Variants in DDX27 observed in about 807,000 individuals in gnomAD.
DDX27 encodes probable ATP-dependent RNA helicase DDX27.
In DDX27, 42 loss-of-function variants were observed where a neutral mutation model predicts 99.3. The observed-to-expected ratio is 0.42, with a 90% CI of 0.33 to 0.55. DDX27 has a LOEUF of 0.55. Among genes scored for constraint, DDX27 ranks in the 20% least tolerant of loss-of-function variants. The pLI, the probability that DDX27 is intolerant of heterozygous loss-of-function variation, is 0.07. For missense variants in DDX27, 798 were observed against 976.8 expected, an observed-to-expected ratio of 0.82 and a Z score of 2.44; for synonymous variants, 329 against 353.8, an observed-to-expected ratio of 0.93 and a Z score of 0.79.
chr20:49,241,059 G>A (rs1465756874), intron 16 of DDX27, among the ~76,000 whole-genome samples: 1 of 152,150 alleles, frequency 6.6e-6, no homozygotes, highest in African/African-American at 2.4e-5. Context: ...ATAATCATTT[G>A]TCATTACAAA....
chr20:49,234,261 C>T (rs937589615), intron 11 of DDX27: 2 of 152,246 alleles, frequency 1.3e-5, no homozygotes, highest in African/African-American at 2.4e-5. Context: ...CGCCTGCTTG[C>T]ACTTTTTTTT....
At chr20:49,229,024 G>A (rs1568973722) in intron 8 of DDX27, 136 bp downstream of exon 8, 1 of 634,612 alleles carries the variant, frequency 1.6e-6, no homozygotes, top group Non-Finnish European at 2.3e-6. Context: ...CTTAAAAACT[G>A]GAAGACTTTT....
At chr20:49,222,922 A>T (rs751885650) in intron 2 of DDX27, 35 bp from the exon 3 acceptor site, 2 of 1,555,234 alleles carry the variant, frequency 1.3e-6, no homozygotes, top group Non-Finnish European at 1.7e-6. Context: ...GTTTCAATGA[A>T]AATTTCTTTT....
chr20:49,225,967 C>T (rs1979871896), intron 6 of DDX27, among the ~76,000 whole-genome samples: 1 of 152,168 alleles, frequency 6.6e-6, no homozygotes, highest in Non-Finnish European at 1.5e-5. Context: ...GGTTAGGCCT[C>T]CTCTTCCTCA....
chr20:49,242,369 A>G (rs1169189641), intron 18 of DDX27, among the ~76,000 whole-genome samples, 163 bp downstream of exon 18: 1 of 152,182 alleles, frequency 6.6e-6, no homozygotes, highest in Admixed American at 6.5e-5. Context: ...TAAGGGGCGC[A>G]GTGACCTTGT....
At chr20:49,239,215 A>G (rs755425788) in intron 15 of DDX27, 21 bp from the exon 16 acceptor site, 19 of 1,611,260 alleles carry the variant, frequency 1.2e-5, no homozygotes, top group Non-Finnish European at 1.5e-5. Flanking sequence ...CACGGCAGGC[A>G]TCCTTTTGTT....
In DDX27 at chr20:49,233,374, C is replaced by T. The variant is rs981343128; in HGVS notation, c.1100C>T (p.Thr367Ile). The stretch of plus-strand genomic sequence containing the variant: ...CGAATGTGTTCCCACCACCGCCAGA[C>T]CATGCTCTTCTCGGCCACCATGACA... ...IIRMCSHHRQ[T>I]MLFSATMTDE... The change falls in exon 10 of 21, where the codon ACC becomes ATC. Residue 367 changes from threonine (T) to isoleucine (I), a missense_variant. Thr to Ile is a moderately conservative substitution (Grantham distance 89). Coordinates refer to ENST00000618172, the MANE Select transcript of DDX27 (RefSeq NM_017895.8). 1.2e-6 allele frequency: 2 copies of T among 1,614,054 alleles called. No individual in the cohort carries two copies. Among genetic ancestry groups the T allele is most frequent in the South Asian group, 1.1e-5 (1 of 91,084 alleles).
At chr20:49,241,829 C>G in intron 16 of DDX27, 64 bp from the exon 17 acceptor site, 1 of 1,559,240 alleles carries the variant, frequency 6.4e-7, no homozygotes, top group Non-Finnish European at 8.8e-7. Context: ...ACGTGCACTT[C>G]TTATCGTAAG....
chr20:49,225,455 T>TC (rs1979849696), intron 6 of DDX27, among the ~76,000 whole-genome samples: 1 of 142,542 alleles, frequency 7.0e-6, no homozygotes, highest in African/African-American at 2.6e-5. Context: ...AGAACTCCCT[T>TC]TTTTTTTTTT....
At chr20:49,243,580 C>A in intron 19 of DDX27, 49 bp from the exon 20 acceptor site, 1 of 1,558,406 alleles carries the variant, frequency 6.4e-7, no homozygotes, top group Non-Finnish European at 8.8e-7. Context: ...GAGACAACAC[C>A]CATTTGTTCA....
chr20:49,233,834 G>A (rs1469414616), intron 11 of DDX27, 125 bp downstream of exon 11: 2 of 1,062,384 alleles, frequency 1.9e-6, no homozygotes, highest in South Asian at 1.5e-5. Context: ...CGCAGAGGCT[G>A]CACTGCACTA....
chr20:49,221,808 CTTTT>C (rs11475081), intron 2 of DDX27, among the ~76,000 whole-genome samples: 1 of 132,170 alleles, frequency 7.6e-6, no homozygotes, highest in African/African-American at 2.8e-5. Flanking sequence ...GACTCACTGT[CTTTT>C]TTTTTTTTTT....
Position 49,221,363 on chromosome 20 carries a change from C to G in DDX27, c.94-89C>G, listed in dbSNP as rs548768470. The G allele has an allele frequency of 2.0e-6, 3 of 1,506,196 alleles. No individual in the cohort carries two copies. In the African/African-American group the frequency reaches 4.1e-5, roughly 21 times the overall value. The allele number at this position is 1,506,196 out of a possible 1,614,324, so 93.3% of individuals were successfully genotyped here. ...TTCGCCTCCTAAAGTGCTGGGATTA[C>G]AGGTGTGAGCCACTGTGCCTGGCCC... On this transcript the variant is annotated intron_variant, in intron 1 of 20. Transcript: ENST00000618172.
At chr20:49,225,755 G>A (rs778417461) in intron 6 of DDX27, among the ~76,000 whole-genome samples, 2 of 152,002 alleles carry the variant, frequency 1.3e-5, no homozygotes, top group Non-Finnish European at 2.9e-5. Context: ...GCGCCCGGCC[G>A]AGAACTCTCT....
chr20:49,223,554 C>A, intron 4 of DDX27, 121 bp downstream of exon 4: 28 of 800,212 alleles, frequency 3.5e-5, no homozygotes, highest in Non-Finnish European at 4.8e-5. Flanking sequence ...CTGCCTACTA[C>A]ATTGAACTCC....
Position 49,224,882 on chromosome 20 carries a change from C to G in DDX27, c.467-63C>G, listed in dbSNP as rs1600964719. ...GTGGCATTGGCACTTAGGACAGTGT[C>G]CAGCAGGATGCAAGTGCTTTGTAAG... On this transcript the variant is annotated intron_variant, in intron 4 of 20. Transcript: ENST00000618172. 4 of 1,583,864 alleles carry G rather than the reference C, an allele frequency of 2.5e-6. No individual in the cohort carries two copies. The East Asian group carries it at 8.9e-5, about 35-fold the overall frequency.
In DDX27 at chr20:49,242,185, G is replaced by A. The variant is rs1980501845; in HGVS notation, c.2095G>A (p.Glu699Lys). 1 of 1,614,188 alleles carries A rather than the reference G, an allele frequency of 6.2e-7. No homozygotes were observed. The change falls in exon 18 of 21, where the codon GAG (glutamate) becomes AAG (lysine). Residue 699 changes from glutamate (E) to lysine (K), a missense_variant. By Grantham distance (56) the Glu-to-Lys change is moderately conservative (BLOSUM62 1). Coordinates refer to ENST00000618172, the MANE Select transcript of DDX27 (RefSeq NM_017895.8). ...CAAGCGGGCCCGAGCAATGCCCGAG[G>A]AGGAGCCAGTGAGAGGTCCTGGTAG... ...RAKRARAMPE[E>K]EPVRGPAKKQ...
At chr20:49,227,089 C>G (rs554096522) in intron 7 of DDX27, among the ~76,000 whole-genome samples, 1 of 149,796 alleles carries the variant, frequency 6.7e-6, no homozygotes, top group African/African-American at 2.5e-5. Context: ...GTCTTGATCT[C>G]CTGACCTCGT....
intron 16 of DDX27, among the ~76,000 whole-genome samples, chr20:49,240,120 A>C (rs1600976723): frequency 6.6e-6 from 1 of 152,214 alleles, no homozygotes. Context: ...GATGTCAGTG[A>C]GTAGCCTCCT....
Sources: allele counts gnomAD v4.1 joint callset (sites outside exome capture counted in the v4.1 genomes callset), GRCh38; gene constraint gnomAD v4.1.1; transcripts MANE v1.5; gene names NCBI Gene and HGNC (gene_info 2026-07-23, HGNC 2026-07-21).